Variants in PPM1H observed in about 807,000 individuals in gnomAD.
PPM1H encodes protein phosphatase 1H.
In PPM1H, 27 loss-of-function variants were observed where a neutral mutation model predicts 54.9. The ratio of observed to expected loss-of-function variants is 0.49; its 90% CI spans 0.36 to 0.68. PPM1H has a LOEUF of 0.68. PPM1H is among the 30% of genes least tolerant of loss of function. The pLI, the probability that PPM1H is intolerant of heterozygous loss-of-function variation, is 0.00. For synonymous variants in PPM1H, 305 were observed against 270.8 expected (o/e 1.13, Z -1.24); for missense variants, 596 against 667.8 (o/e 0.89, Z 1.19).
intron 5 of PPM1H, among the ~76,000 whole-genome samples, chr12:62,727,118 C>T (rs766541148): frequency 6.6e-6 from 1 of 152,008 alleles, no homozygotes; most frequent in Non-Finnish European, 1.5e-5. Flanking sequence ...TTTCACCAGG[C>T]TGGTCTAGAA....
At chr12:62,820,123 C>A (rs1374865686) in intron 2 of PPM1H, among the ~76,000 whole-genome samples, 1 of 152,222 alleles carries the variant, frequency 6.6e-6, no homozygotes, top group Non-Finnish European at 1.5e-5. Context: ...CTTAGCAGGT[C>A]CCACACCTAA....
chr12:62,917,808 A>G (rs924536246), intron 1 of PPM1H, among the ~76,000 whole-genome samples: 1 of 151,800 alleles, frequency 6.6e-6, no homozygotes, highest in Non-Finnish European at 1.5e-5. Flanking sequence ...GGGTGGGGAG[A>G]GCAGGATACT....
chr12:62,655,604 G>A (rs2075839524), intron 9 of PPM1H, among the ~76,000 whole-genome samples: 2 of 152,188 alleles, frequency 1.3e-5, no homozygotes, highest in South Asian at 4.1e-4. Flanking sequence ...CATACATACT[G>A]TATAAGCATA....
intron 1 of PPM1H, among the ~76,000 whole-genome samples, chr12:62,888,326 C>T (rs1870665104): frequency 6.6e-6 from 1 of 151,962 alleles, no homozygotes. Context: ...AGGAAGAAGC[C>T]AAGGGGAGTC....
At chr12:62,664,738 A>T (rs2075906994) in intron 9 of PPM1H, among the ~76,000 whole-genome samples, 1 of 152,166 alleles carries the variant, frequency 6.6e-6, no homozygotes, top group South Asian at 2.1e-4. Flanking sequence ...TTCCTGTGGG[A>T]TCATTTCCTT....
intron 6 of PPM1H, among the ~76,000 whole-genome samples, chr12:62,703,132 G>C (rs1426562701): frequency 1.3e-5 from 2 of 152,172 alleles, no homozygotes; most frequent in African/African-American, 4.8e-5. Context: ...AGAGCTAACA[G>C]GCAACCGTAA....
intron 6 of PPM1H, among the ~76,000 whole-genome samples, chr12:62,696,008 G>T (rs1230789221): frequency 6.6e-6 from 1 of 152,134 alleles, no homozygotes; most frequent in East Asian, 1.9e-4. Context: ...GAAGAGTTGG[G>T]TCTATGACTA....
chr12:62,890,969 C>T (rs541323638), intron 1 of PPM1H, among the ~76,000 whole-genome samples: 5 of 151,618 alleles, frequency 3.3e-5, no homozygotes, highest in African/African-American at 9.7e-5. Flanking sequence ...ATTAGCCGGG[C>T]GTGGTGGTGG....
At chr12:62,725,003 C>G (rs1170752587) in intron 5 of PPM1H, among the ~76,000 whole-genome samples, 2 of 152,194 alleles carry the variant, frequency 1.3e-5, no homozygotes, top group Admixed American at 1.3e-4. Context: ...GGTGACGCAG[C>G]ATTTTTTAAT....
intron 1 of PPM1H, among the ~76,000 whole-genome samples, chr12:62,843,567 A>G (rs1393130973): frequency 6.6e-6 from 1 of 152,214 alleles, no homozygotes; most frequent in African/African-American, 2.4e-5. Context: ...TAGTTGCACA[A>G]CAGACTATAA....
intron 1 of PPM1H, among the ~76,000 whole-genome samples, chr12:62,894,767 C>G (rs775084942): frequency 3.9e-5 from 6 of 152,184 alleles, no homozygotes; most frequent in Non-Finnish European, 8.8e-5. Flanking sequence ...CGCCGTGGCT[C>G]ACGCCTTTAA....
intron 6 of PPM1H, among the ~76,000 whole-genome samples, chr12:62,699,820 G>A (rs1461275998): frequency 6.6e-6 from 1 of 152,178 alleles, no homozygotes; most frequent in African/African-American, 2.4e-5. Flanking sequence ...ATATATCTAT[G>A]CATACAGTAT....
chr12:62,857,563 A>G (rs1335962298), intron 1 of PPM1H, among the ~76,000 whole-genome samples: 2 of 152,210 alleles, frequency 1.3e-5, no homozygotes, highest in Non-Finnish European at 2.9e-5. Flanking sequence ...TATAAGTCCA[A>G]ATTGAAAGTT....
intron 2 of PPM1H, among the ~76,000 whole-genome samples, chr12:62,815,510 T>C (rs1488908604): frequency 6.6e-6 from 1 of 152,216 alleles, no homozygotes; most frequent in Non-Finnish European, 1.5e-5. Flanking sequence ...TCTTAAACTA[T>C]TAGTTTATAC....
At chr12:62,848,672 T>C (rs115419271) in intron 1 of PPM1H, among the ~76,000 whole-genome samples, 1,742 of 152,272 alleles carry the variant, frequency 0.011, 32 homozygotes, top group African/African-American at 0.039. Context: ...GGATGAATCA[T>C]GGTCGTTTTA....
At chr12:62,727,912 C>T (rs561592863) in intron 5 of PPM1H, among the ~76,000 whole-genome samples, 17 of 152,100 alleles carry the variant, frequency 1.1e-4, no homozygotes, top group African/African-American at 4.1e-4. Context: ...CCATTCCCCT[C>T]AGCCTCCCAA....
intron 4 of PPM1H, among the ~76,000 whole-genome samples, chr12:62,752,322 A>G (rs1311476997): frequency 6.6e-6 from 1 of 152,256 alleles, no homozygotes; most frequent in African/African-American, 2.4e-5. Context: ...GTAATGATAA[A>G]TGTCTACAAA....
At chr12:62,659,495 T>TC (rs1279544444) in intron 9 of PPM1H, among the ~76,000 whole-genome samples, 2 of 152,108 alleles carry the variant, frequency 1.3e-5, no homozygotes, top group African/African-American at 4.8e-5. Flanking sequence ...AATCACCTCT[T>TC]CCCTCACAGC....
At chr12:62,920,771 A>G (rs1480397280) in intron 1 of PPM1H, among the ~76,000 whole-genome samples, 1 of 151,756 alleles carries the variant, frequency 6.6e-6, no homozygotes, top group Non-Finnish European at 1.5e-5. Flanking sequence ...GAACATTTAC[A>G]CTCCATCTTT....
Sources: gnomAD v4.1 joint callset for allele counts (sites outside exome capture counted in the v4.1 genomes callset) on GRCh38, gnomAD v4.1.1 for gene constraint, MANE v1.5 for transcripts, NCBI Gene and HGNC (gene_info 2026-07-23, HGNC 2026-07-21) for gene names.